The following ADGRG2 variants were observed in gnomAD, a reference collection of about 807,000 sequenced individuals.
ADGRG2 encodes adhesion G protein-coupled receptor G2, also known as G protein-coupled receptor 64.
In ADGRG2, 26 loss-of-function variants were observed where a neutral mutation model predicts 74.1. The ratio of observed to expected loss-of-function variants is 0.35; its 90% CI spans 0.26 to 0.49. The LOEUF is 0.49. ADGRG2 is among the 20% of genes least tolerant of loss of function. ADGRG2 has a pLI of 0.99. For synonymous variants in ADGRG2, 296 were observed against 295.2 expected (o/e 1.00, Z -0.03); for missense variants, 619 against 763.1 (o/e 0.81, Z 2.22).
At chrX:19,046,375 C>T (rs923699690) in intron 3 of ADGRG2, among the ~76,000 whole-genome samples, 19 of 112,228 alleles carry the variant, frequency 1.7e-4, no homozygotes, top group African/African-American at 5.5e-4. Flanking sequence ...TCATTGACTA[C>T]GCCCTTCTTT....
At position 19,006,010 on chromosome X, in the gene ADGRG2, C is replaced by T. The variant is rs141944455; in HGVS notation, c.1831G>A (p.Val611Ile). 15 of 1,189,820 alleles carry T rather than the reference C, an allele frequency of 1.3e-5. No individual in the cohort carries two copies. Among genetic ancestry groups the T allele is most frequent in the African/African-American group, 7.0e-5 (4 of 56,786 alleles). ...CTCSHLTSFG[V>I]LLDLSRTSVL... ...TGGCACAGGCATATTACCAGCAGAA[C>T]GCCGAAGCTTGTTAGATGGCTACAG... The change falls in exon 22 of 29, where the codon GTT (valine) becomes ATT (isoleucine). Residue 611 changes from valine (V) to isoleucine (I), a missense_variant. Physicochemically the swap from Val to Ile is conservative, Grantham distance 29. Around this residue, in one of 3 missense-constraint regions of ADGRG2, gnomAD observed 221 missense variants for 340.6 expected, o/e 0.65. Coordinates refer to ENST00000379869, the MANE Select transcript of ADGRG2 (RefSeq NM_001079858.3).
rs933893742 is a variant in ADGRG2, at chrX:18,995,795, T to C, written c.2716+256A>G. ...CTCAATAGAAAATCAATTCTAAAAA[T>C]TTTACTGTTGCTTCATTGAAGAGGC... is the stretch of plus-strand genomic sequence containing the variant. On this transcript the variant is annotated intron_variant, in intron 27 of 28. Transcript: ENST00000379869. 3.6e-5 allele frequency among the ~76,000 whole-genome samples: 4 copies of C among 112,240 alleles called. No homozygotes were observed. The Admixed American group carries it at 3.8e-4, about 11-fold the overall frequency.
Position 19,002,857 on chromosome X carries a change from A to G in ADGRG2, c.2219T>C (p.Ile740Thr). 8.3e-7 allele frequency: 1 copy of G among 1,209,649 alleles called. No individual in the cohort carries two copies. Among genetic ancestry groups the G allele is most frequent in the Non-Finnish European group, 1.1e-6 (1 of 893,570 alleles). ...YIRKYILKFCIVGWGVPAVVV... is the reference protein window; with the variant it reads ...YIRKYILKFCTVGWGVPAVVV... ...AAGCTTATACATACCCCAACCGACAATGCAGAATTTAAGGATGTATTTTCG... is the reference window on the plus strand; with the variant it reads ...AAGCTTATACATACCCCAACCGACAGTGCAGAATTTAAGGATGTATTTTCG... Residue 740 changes from isoleucine (I) to threonine (T), a missense_variant, in exon 24 of 29, where the codon ATT becomes ACT. Ile to Thr is a moderately conservative substitution (Grantham distance 89). Around this residue, in one of 3 missense-constraint regions of ADGRG2, gnomAD observed 221 missense variants for 340.6 expected, o/e 0.65. Transcript: ENST00000379869.
intron 1 of ADGRG2, among the ~76,000 whole-genome samples, chrX:19,102,748 G>C (rs111487047): frequency 0.084 from 9,186 of 108,913 alleles, 692 homozygotes; most frequent in African/African-American, 0.23. Flanking sequence ...CTCCCTCCCC[G>C]CTTCCCCCAC....
At chrX:19,033,830 T>C (rs181120617) in intron 7 of ADGRG2, 176 bp from the exon 8 acceptor site, 7 of 343,406 alleles carry the variant, frequency 2.0e-5, no homozygotes, top group Admixed American at 1.2e-4. Flanking sequence ...ACGGATCATG[T>C]AGCATTGGCA....
intron 9 of ADGRG2, among the ~76,000 whole-genome samples, chrX:19,029,615 C>T (rs1179910171): frequency 9.0e-6 from 1 of 111,285 alleles, no homozygotes; most frequent in Non-Finnish European, 1.9e-5. Flanking sequence ...CTAAAACAAA[C>T]GGTCAATTCA....
At chrX:19,102,641 GT>G (rs1185535078) in intron 1 of ADGRG2, among the ~76,000 whole-genome samples, 1 of 110,579 alleles carries the variant, frequency 9.0e-6, no homozygotes, top group Non-Finnish European at 1.9e-5. Context: ...TGGGGGTGGA[GT>G]CATGCACAGT....
At chrX:19,097,426 G>A (rs954385971) in intron 1 of ADGRG2, among the ~76,000 whole-genome samples, 22 of 112,408 alleles carry the variant, frequency 2.0e-4, no homozygotes, top group African/African-American at 6.8e-4. Context: ...CAGGAGAATC[G>A]CTTCAATCCG....
chrX:18,997,591 G>A (rs1174176789), intron 26 of ADGRG2, among the ~76,000 whole-genome samples: 2 of 112,211 alleles, frequency 1.8e-5, no homozygotes, highest in African/African-American at 3.2e-5. Context: ...AATACCATGC[G>A]GTGTAACACC....
intron 18 of ADGRG2, 76 bp from the exon 19 acceptor site, chrX:19,008,199 G>T (rs2060276329): frequency 2.6e-6 from 2 of 760,419 alleles, no homozygotes; most frequent in Middle Eastern, 3.5e-4. Context: ...TATTAAGTTG[G>T]TGCAAAAGTA....
intron 1 of ADGRG2, among the ~76,000 whole-genome samples, chrX:19,117,404 T>C (rs1325554996): frequency 8.9e-6 from 1 of 111,744 alleles, no homozygotes; most frequent in African/African-American, 3.2e-5. Flanking sequence ...GCTACCTTGT[T>C]TATACATGAG....
intron 17 of ADGRG2, among the ~76,000 whole-genome samples, chrX:19,010,123 GTTTTTT>G (rs946891811): frequency 5.4e-5 from 5 of 93,131 alleles, no homozygotes; most frequent in Admixed American, 3.6e-4. Flanking sequence ...TTTTGTTTTT[GTTTTTT>G]TTTTTTTTTG....
At chrX:19,055,288 G>A (rs776692812) in intron 3 of ADGRG2, among the ~76,000 whole-genome samples, 29 of 111,550 alleles carry the variant, frequency 2.6e-4, no homozygotes, top group South Asian at 1.9e-3. Context: ...GTGTGTGTGC[G>A]CGCGCACGCG....
intron 11 of ADGRG2, among the ~76,000 whole-genome samples, chrX:19,025,624 G>A (rs1013755582): frequency 2.7e-5 from 3 of 111,160 alleles, no homozygotes; most frequent in African/African-American, 9.8e-5. Flanking sequence ...GGCTGGGCAC[G>A]GTGGTTCATG....
intron 3 of ADGRG2, among the ~76,000 whole-genome samples, chrX:19,053,360 G>GA (rs1305105464): frequency 9.0e-6 from 1 of 110,613 alleles, no homozygotes; most frequent in Non-Finnish European, 1.9e-5. Flanking sequence ...CGGGGCGGAG[G>GA]GGGGGTCACT....
chrX:19,035,762 G>A (rs939212271), intron 7 of ADGRG2, 180 bp downstream of exon 7: 1 of 341,085 alleles, frequency 2.9e-6, no homozygotes, highest in Non-Finnish European at 5.2e-6. Context: ...GTTTGGGAGT[G>A]TGGTGACAGA....
intron 1 of ADGRG2, among the ~76,000 whole-genome samples, chrX:19,099,696 T>C (rs182222199): frequency 8.9e-6 from 1 of 112,065 alleles, no homozygotes; most frequent in East Asian, 2.8e-4. Context: ...ACCTGGGTTG[T>C]ATTTGTCACT....
intron 1 of ADGRG2, among the ~76,000 whole-genome samples, chrX:19,105,735 A>ATT (rs200494919): frequency 9.1e-6 from 1 of 110,100 alleles, no homozygotes; most frequent in African/African-American, 3.3e-5. Context: ...TAATAAAAAA[A>ATT]ATTTTTTTAA....
chrX:19,036,511 A>T (rs1400166463), intron 6 of ADGRG2: 2 of 110,794 alleles, frequency 1.8e-5, no homozygotes, highest in Non-Finnish European at 1.9e-5. Flanking sequence ...TCCAATTTAA[A>T]ATCGATTCTA....
Sources: allele counts gnomAD v4.1 joint callset (sites outside exome capture counted in the v4.1 genomes callset), GRCh38; gene constraint gnomAD v4.1.1; regional missense constraint gnomAD v4.1.1; transcripts MANE v1.5; gene names NCBI Gene and HGNC (gene_info 2026-07-23, HGNC 2026-07-21).